Variants in GRIN3A observed in about 807,000 individuals in gnomAD.
GRIN3A encodes the protein glutamate receptor ionotropic, NMDA 3A.
Under a neutral mutation model 92.4 loss-of-function variants are expected in GRIN3A, and 47 were observed. The ratio of observed to expected loss-of-function variants is 0.51; its 90% CI spans 0.40 to 0.65. The LOEUF (loss-of-function observed/expected upper bound fraction) is 0.65, where lower values mean the gene tolerates loss of function less well. Ranked by LOEUF, GRIN3A falls within the 30% of genes least tolerant of loss-of-function variation. GRIN3A has a pLI of 0.00. For missense variants in GRIN3A, 1,324 were observed against 1,393.1 expected (o/e 0.95, Z 0.79); for synonymous variants, 527 against 540.6 (o/e 0.97, Z 0.35).
intron 6 of GRIN3A, among the ~76,000 whole-genome samples, chr9:101,595,853 G>T (rs560376961): frequency 6.6e-6 from 1 of 152,308 alleles, no homozygotes; most frequent in Non-Finnish European, 1.5e-5. Context: ...GGGAAGGTCT[G>T]CAATGTGCCC....
intron 1 of GRIN3A, among the ~76,000 whole-genome samples, chr9:101,730,377 G>A (rs937367776): frequency 1.2e-4 from 19 of 152,020 alleles, no homozygotes; most frequent in Admixed American, 4.6e-4. Context: ...ATCTTGCCAC[G>A]TCAACACTTT....
intron 2 of GRIN3A, among the ~76,000 whole-genome samples, chr9:101,685,170 T>C (rs1176373389): frequency 7.9e-5 from 12 of 152,206 alleles, no homozygotes; most frequent in Admixed American, 7.9e-4. Context: ...TTACAGGTTG[T>C]GTTCAGTCTT....
intron 6 of GRIN3A, among the ~76,000 whole-genome samples, chr9:101,586,567 C>T (rs143721667): frequency 1.7e-3 from 262 of 152,210 alleles, no homozygotes; most frequent in Middle Eastern, 6.8e-3. Flanking sequence ...CCTGATCATG[C>T]TAATATTCAC....
At chr9:101,680,224 G>T (rs1281110996) in intron 2 of GRIN3A, among the ~76,000 whole-genome samples, 1 of 152,180 alleles carries the variant, frequency 6.6e-6, no homozygotes, top group Non-Finnish European at 1.5e-5. Flanking sequence ...TCCAAAATTA[G>T]AATTATAGCA....
chr9:101,692,575 G>A (rs1447495558), intron 1 of GRIN3A, among the ~76,000 whole-genome samples: 1 of 152,168 alleles, frequency 6.6e-6, no homozygotes, highest in African/African-American at 2.4e-5. Flanking sequence ...AACCAAATGA[G>A]CTAGGTCAAA....
rs534952248 is a variant in GRIN3A at position 101,615,326 on chromosome 9, AAATACCTCCTAT to A, written c.2615-1811_2615-1800del. 9.1e-4 allele frequency among the ~76,000 whole-genome samples: 138 copies of A among 151,622 alleles called. 1 individual carries two copies. Among genetic ancestry groups the A allele is most frequent in the African/African-American group, 3.2e-3 (133 of 41,466 alleles). ...GCATCCAAAGATACTTAATGGAAAC[AAATACCTCCTAT>A]AATTATTCTAGCTTACAATTCAATT... On this transcript the variant is annotated intron_variant, in intron 5 of 8. Transcript: ENST00000361820.
chr9:101,645,055 A>AT (rs1168145853), intron 3 of GRIN3A, among the ~76,000 whole-genome samples: 1 of 151,898 alleles, frequency 6.6e-6, no homozygotes, highest in Non-Finnish European at 1.5e-5. Flanking sequence ...AATATAAACT[A>AT]TTGTTAACTA....
At chr9:101,716,724 C>G (rs888228442) in intron 1 of GRIN3A, among the ~76,000 whole-genome samples, 2 of 152,296 alleles carry the variant, frequency 1.3e-5, no homozygotes, top group African/African-American at 2.4e-5. Flanking sequence ...TAATACTTGT[C>G]TGCTTTACAA....
At chr9:101,696,176 A>C (rs990618218) in intron 1 of GRIN3A, among the ~76,000 whole-genome samples, 2 of 152,202 alleles carry the variant, frequency 1.3e-5, no homozygotes, top group Non-Finnish European at 2.9e-5. Flanking sequence ...GCATTTTTCA[A>C]CTTTGAAAGG....
chr9:101,663,707 G>A (rs1213557374), intron 3 of GRIN3A, among the ~76,000 whole-genome samples: 1 of 151,312 alleles, frequency 6.6e-6, no homozygotes, highest in Non-Finnish European at 1.5e-5. Flanking sequence ...AAATATTTTT[G>A]GTTAAAGTTT....
At chr9:101,725,903 G>A (rs921614528) in intron 1 of GRIN3A, among the ~76,000 whole-genome samples, 2 of 152,110 alleles carry the variant, frequency 1.3e-5, no homozygotes, top group Admixed American at 1.3e-4. Context: ...TTTACCATCT[G>A]TAGTCAGTCT....
At chr9:101,595,005 C>A (rs544158424) in intron 6 of GRIN3A, 2 of 1,303,742 alleles carry the variant, frequency 1.5e-6, no homozygotes, top group East Asian at 3.8e-5. Context: ...CGTGCCCGGA[C>A]GGTTGGGCCA....
intron 6 of GRIN3A, among the ~76,000 whole-genome samples, chr9:101,595,736 T>C (rs1485467928): frequency 6.6e-6 from 1 of 152,114 alleles, no homozygotes; most frequent in Non-Finnish European, 1.5e-5. Flanking sequence ...ATGACACAGG[T>C]CTCAAGAACA....
At chr9:101,635,969 C>T (rs1055572297) in intron 3 of GRIN3A, among the ~76,000 whole-genome samples, 2 of 152,112 alleles carry the variant, frequency 1.3e-5, no homozygotes, top group East Asian at 3.8e-4. Flanking sequence ...AGTGCAACCT[C>T]CGTCTCCTGG....
chr9:101,650,975 A>AT (rs1294107980), intron 3 of GRIN3A, among the ~76,000 whole-genome samples: 2 of 151,612 alleles, frequency 1.3e-5, no homozygotes, highest in East Asian at 1.9e-4. Flanking sequence ...CCTTTTATCT[A>AT]TTTTTTATTT....
At chr9:101,682,560 T>C (rs926471935) in intron 2 of GRIN3A, among the ~76,000 whole-genome samples, 2 of 152,244 alleles carry the variant, frequency 1.3e-5, no homozygotes, top group African/African-American at 4.8e-5. Context: ...CAAGTCTTCA[T>C]TTTGTCTACC....
intron 1 of GRIN3A, among the ~76,000 whole-genome samples, chr9:101,721,236 G>A (rs1444907855): frequency 6.6e-6 from 1 of 152,182 alleles, no homozygotes; most frequent in Non-Finnish European, 1.5e-5. Flanking sequence ...AAGATCTGAT[G>A]AGTTTATCAG....
intron 6 of GRIN3A, among the ~76,000 whole-genome samples, chr9:101,596,512 A>G (rs1047452799): frequency 3.9e-5 from 6 of 152,220 alleles, no homozygotes; most frequent in African/African-American, 1.2e-4. Flanking sequence ...ACCAACCACT[A>G]TAGCCTGTGT....
chr9:101,591,261 T>C (rs568268805), intron 6 of GRIN3A, among the ~76,000 whole-genome samples: 1 of 152,360 alleles, frequency 6.6e-6, no homozygotes, highest in African/African-American at 2.4e-5. Context: ...TGGAGGCTGC[T>C]TGTTCTTTGA....
Sources: allele counts gnomAD v4.1 joint callset (sites outside exome capture counted in the v4.1 genomes callset), GRCh38; gene constraint gnomAD v4.1.1; transcripts MANE v1.5; gene names NCBI Gene and HGNC (gene_info 2026-07-23, HGNC 2026-07-21).